Variants in TSHZ2 observed in about 807,000 individuals in gnomAD.
TSHZ2 encodes the protein teashirt zinc finger homeobox 2, also known as teashirt homolog 2.
In TSHZ2, 21 loss-of-function variants were observed where a neutral mutation model predicts 74.4. The observed-to-expected ratio is 0.28, with a 90% CI of 0.20 to 0.41. TSHZ2 has a LOEUF of 0.41. TSHZ2 is among the 10% of genes least tolerant of loss of function. The pLI, the probability that TSHZ2 is intolerant of heterozygous loss-of-function variation, is 1.00. For missense variants in TSHZ2, 1,244 were observed against 1,293.5 expected (o/e 0.96, Z 0.59); for synonymous variants, 540 against 515.3 (o/e 1.05, Z -0.65).
At chr20:53,339,165 C>T (rs1980077126) in intron 2 of TSHZ2, among the ~76,000 whole-genome samples, 1 of 152,188 alleles carries the variant, frequency 6.6e-6, no homozygotes, top group African/African-American at 2.4e-5. Flanking sequence ...TTATTTTCTT[C>T]ACCTGAACTT....
chr20:53,333,325 T>C (rs1053708195), intron 2 of TSHZ2, among the ~76,000 whole-genome samples: 10 of 152,172 alleles, frequency 6.6e-5, no homozygotes, highest in African/African-American at 2.4e-4. Context: ...GATCGCAGAT[T>C]GAAAACACAA....
chr20:53,409,834 C>CTTTTTTTTTTTTTTTTTTTTTTT (rs71194475), intron 2 of TSHZ2, among the ~76,000 whole-genome samples: 1 of 49,336 alleles, frequency 2.0e-5, no homozygotes, highest in Non-Finnish European at 3.5e-5. Flanking sequence ...GTTTTCTTTT[C>CTTTTTTTTTTTTTTTTTTTTTTT]TTTTTTTTTT....
chr20:53,185,529 C>T (rs2010170), intron 1 of TSHZ2: 1 of 1,417,032 alleles, frequency 7.1e-7, no homozygotes, highest in Non-Finnish European at 9.4e-7. Context: ...CAGGAGAATT[C>T]CTTGAACTGG....
chr20:53,373,997 T>C (rs6097380), intron 2 of TSHZ2, among the ~76,000 whole-genome samples: 16,752 of 152,242 alleles, frequency 0.11, 2,730 homozygotes, highest in African/African-American at 0.35. Flanking sequence ...TTTTAACTTT[T>C]ATTTTAGATT....
At chr20:53,047,883 A>G (rs1210798001) in intron 1 of TSHZ2, among the ~76,000 whole-genome samples, 2 of 152,196 alleles carry the variant, frequency 1.3e-5, no homozygotes, top group African/African-American at 2.4e-5. Context: ...CTAAACATAC[A>G]TAGATTTTCG....
chr20:53,115,744 A>C lies in TSHZ2; in HGVS notation c.41-137755A>C, dbSNP rs548968316. On this transcript the variant is annotated intron_variant, in intron 1 of 2. Coordinates refer to ENST00000371497, the MANE Select transcript of TSHZ2 (RefSeq NM_173485.6). ...TATTTGGGCAAAACAAGGTGAGAGA[A>C]TGAGTCTGGTGAGAGGAGAGGAAGC... Among the ~76,000 whole-genome samples the C allele has an allele frequency of 2.9e-3, 435 of 152,288 alleles. 1 individual carries two copies. The highest frequency in any genetic ancestry group is 9.2e-3 in the African/African-American group (382 of 41,574).
chr20:53,213,268 T>C (rs544138984), intron 1 of TSHZ2, among the ~76,000 whole-genome samples: 83 of 152,344 alleles, frequency 5.4e-4, no homozygotes, highest in African/African-American at 1.9e-3. Context: ...TTCTTGTTCA[T>C]GCCTTGAAAA....
intron 1 of TSHZ2, among the ~76,000 whole-genome samples, chr20:53,087,416 T>G (rs887033242): frequency 4.6e-5 from 7 of 152,220 alleles, no homozygotes; most frequent in Non-Finnish European, 8.8e-5. Flanking sequence ...TTTCGATCCT[T>G]GGCCCAAAGT....
chr20:52,977,115 CCTCAGAGAT>C (rs2122863492), intron 1 of TSHZ2, among the ~76,000 whole-genome samples: 1 of 152,210 alleles, frequency 6.6e-6, no homozygotes, highest in Non-Finnish European at 1.5e-5. Context: ...GCAGAAATGA[CCTCAGAGAT>C]CTCTTTTCCA....
At chr20:53,229,966 A>G (rs1194643732) in intron 1 of TSHZ2, among the ~76,000 whole-genome samples, 1 of 149,950 alleles carries the variant, frequency 6.7e-6, no homozygotes, top group Non-Finnish European at 1.5e-5. Context: ...GAGAAAGAAG[A>G]AGGAAGAGAA....
At chr20:53,026,540 A>T (rs6126727) in intron 1 of TSHZ2, among the ~76,000 whole-genome samples, 103,996 of 151,052 alleles carry the variant, frequency 0.69, 36,554 homozygotes, top group East Asian at 0.96. Context: ...CTTTAAAAAA[A>T]TTTTTTTCTA....
At chr20:53,353,376 T>C (rs907651500) in intron 2 of TSHZ2, among the ~76,000 whole-genome samples, 2 of 152,240 alleles carry the variant, frequency 1.3e-5, no homozygotes, top group African/African-American at 4.8e-5. Context: ...TTCTCATATG[T>C]GTGTACACAT....
intron 1 of TSHZ2, among the ~76,000 whole-genome samples, chr20:53,076,203 G>T (rs1985358868): frequency 6.6e-6 from 1 of 152,186 alleles, no homozygotes; most frequent in South Asian, 2.1e-4. Flanking sequence ...AAACAGTTGA[G>T]CTCTTACAGT....
chr20:53,323,825 G>A (rs954976948), intron 2 of TSHZ2, among the ~76,000 whole-genome samples: 4 of 151,940 alleles, frequency 2.6e-5, no homozygotes, highest in Admixed American at 1.3e-4. Context: ...TGATCCACCC[G>A]CCCCGGCCTC....
intron 1 of TSHZ2, among the ~76,000 whole-genome samples, chr20:53,000,359 G>A (rs771432589): frequency 7.9e-5 from 12 of 152,110 alleles, no homozygotes; most frequent in Admixed American, 1.3e-4. Context: ...GCTGGCTTCT[G>A]CCCTAGTGTA....
chr20:53,308,786 C>T (rs920733711), intron 2 of TSHZ2, among the ~76,000 whole-genome samples: 9 of 152,066 alleles, frequency 5.9e-5, no homozygotes, highest in Middle Eastern at 3.2e-3. Flanking sequence ...AGAAAACAAC[C>T]CCGTTATCGG....
chr20:53,017,897 G>C (rs1238504417), intron 1 of TSHZ2, among the ~76,000 whole-genome samples: 1 of 152,048 alleles, frequency 6.6e-6, no homozygotes, highest in Non-Finnish European at 1.5e-5. Flanking sequence ...TAACTTTCAT[G>C]GGATTTTATT....
chr20:53,333,837 A>G (rs1979832074), intron 2 of TSHZ2, among the ~76,000 whole-genome samples: 1 of 152,172 alleles, frequency 6.6e-6, no homozygotes, highest in South Asian at 2.1e-4. Flanking sequence ...CATCTCTAGC[A>G]TGGGCAGGAA....
At chr20:53,261,014 A>G (rs1467387903) in intron 2 of TSHZ2, among the ~76,000 whole-genome samples, 2 of 152,222 alleles carry the variant, frequency 1.3e-5, no homozygotes, top group Non-Finnish European at 2.9e-5. Context: ...AGAGAGGTAA[A>G]CCAAAGCTCA....
Sources: gnomAD v4.1 joint callset for allele counts (sites outside exome capture counted in the v4.1 genomes callset) on GRCh38, gnomAD v4.1.1 for gene constraint, MANE v1.5 for transcripts, NCBI Gene and HGNC (gene_info 2026-07-23, HGNC 2026-07-21) for gene names.